The following ZNF398 variants were observed in gnomAD, a reference collection of about 807,000 sequenced individuals.
ZNF398 encodes zinc finger protein 398.
Under a neutral mutation model 41.9 loss-of-function variants are expected in ZNF398, and 18 were observed. The ratio of observed to expected loss-of-function variants is 0.43; its 90% CI spans 0.30 to 0.64. The LOEUF (loss-of-function observed/expected upper bound fraction) is 0.64. ZNF398 is among the 30% of genes least tolerant of loss of function. The pLI is 0.14. For missense variants in ZNF398, 669 were observed against 822.8 expected (o/e 0.81, Z 2.29); for synonymous variants, 260 against 308.8 (o/e 0.84, Z 1.66).
intron 2 of ZNF398, among the ~76,000 whole-genome samples, chr7:149,140,414 T>G (rs1244586283): frequency 3.3e-5 from 5 of 152,154 alleles, no homozygotes; most frequent in African/African-American, 1.2e-4. Context: ...AGACAGAGTC[T>G]CGCTCTGTTC....
intron 2 of ZNF398, among the ~76,000 whole-genome samples, chr7:149,135,345 G>A (rs1257672815): frequency 1.9e-4 from 26 of 137,558 alleles, no homozygotes; most frequent in Non-Finnish European, 3.3e-4. Context: ...TGCCGAGATC[G>A]CGCCACTGCA....
chr7:149,139,123 G>A (rs1826772026), intron 2 of ZNF398, among the ~76,000 whole-genome samples: 1 of 152,046 alleles, frequency 6.6e-6, no homozygotes, highest in Non-Finnish European at 1.5e-5. Flanking sequence ...TTGACCAGAT[G>A]GTCTTGATTT....
chr7:149,127,739 C>T (rs1481759779), intron 1 of ZNF398, among the ~76,000 whole-genome samples: 1 of 151,836 alleles, frequency 6.6e-6, no homozygotes, highest in Non-Finnish European at 1.5e-5. Flanking sequence ...AACAAACAAA[C>T]AAAAAAACTA....
At chr7:149,156,504 C>CAAAAAA (rs1184656145) in intron 2 of ZNF398, among the ~76,000 whole-genome samples, 2 of 36,456 alleles carry the variant, frequency 5.5e-5, no homozygotes, top group Admixed American at 2.9e-4. Flanking sequence ...GACTCCATCT[C>CAAAAAA]AAAAAAAAAA....
chr7:149,146,763 T>C (rs1464936495), upstream of ZNF398, among the ~76,000 whole-genome samples: 3 of 151,606 alleles, frequency 2.0e-5, no homozygotes, highest in African/African-American at 7.3e-5. Flanking sequence ...GGCAGGAGAA[T>C]CGGTTGAACC....
At chr7:149,141,477 C>A (rs1309719993) in intron 2 of ZNF398, among the ~76,000 whole-genome samples, 2 of 96,750 alleles carry the variant, frequency 2.1e-5, no homozygotes, top group African/African-American at 3.2e-5. Flanking sequence ...TTTTTTGAGA[C>A]GGAGTCTCAC....
intron 4 of ZNF398, among the ~76,000 whole-genome samples, chr7:149,168,581 T>C (rs949411673): frequency 6.6e-6 from 1 of 151,506 alleles, no homozygotes; most frequent in African/African-American, 2.4e-5. Context: ...TTATTATTAT[T>C]ATTTTGAGAT....
chr7:149,139,318 T>C (rs151062661), intron 2 of ZNF398, among the ~76,000 whole-genome samples: 115 of 152,220 alleles, frequency 7.6e-4, no homozygotes, highest in African/African-American at 2.5e-3. Flanking sequence ...CTGGGCCTCC[T>C]AAAGTGCTGG....
chr7:149,147,215 C>T (rs559927816), upstream of ZNF398: 2 of 152,352 alleles, frequency 1.3e-5, no homozygotes, highest in East Asian at 3.9e-4. The surrounding 1 kb of genome is among the most constrained non-coding windows in gnomAD (Gnocchi z 5.6). Flanking sequence ...AGAATGAGCC[C>T]GGCTTTGCGG....
upstream of ZNF398, among the ~76,000 whole-genome samples, chr7:149,146,615 A>G (rs767934230): frequency 6.6e-6 from 1 of 151,798 alleles, no homozygotes; most frequent in Non-Finnish European, 1.5e-5. Context: ...TTGGGAGGCC[A>G]AGGCGGGTGG....
chr7:149,151,980 G>T (rs1202439), intron 1 of ZNF398, among the ~76,000 whole-genome samples: 1 of 151,796 alleles, frequency 6.6e-6, no homozygotes, highest in Non-Finnish European at 1.5e-5. Flanking sequence ...CGCCCGTAAT[G>T]CCAACACTTT....
intron 2 of ZNF398, among the ~76,000 whole-genome samples, chr7:149,133,714 T>C (rs1427811779): frequency 3.9e-5 from 4 of 103,642 alleles, no homozygotes; most frequent in African/African-American, 1.8e-4. Context: ...TACACACATA[T>C]ATATGTATAT....
intron 2 of ZNF398, among the ~76,000 whole-genome samples, chr7:149,129,407 T>C (rs1826554226): frequency 6.6e-6 from 1 of 152,060 alleles, no homozygotes; most frequent in South Asian, 2.1e-4. Context: ...TGAGACGGAG[T>C]CTTGCTCTGT....
At position 149,148,461 on chromosome 7, in the gene ZNF398, A is replaced by G. The variant is rs187265886; in HGVS notation, c.24+695A>G. On this transcript the variant is annotated intron_variant, in intron 1 of 5. Coordinates refer to ENST00000475153, the MANE Select transcript of ZNF398 (RefSeq NM_170686.3). ...CGGTCAGGCCGCGGGGAAAGCACTG[A>G]TCGCATTTGCCACCCAAGAGGTCTT... The G allele has an allele frequency of 3.3e-5, 33 of 985,524 alleles. No individual in the cohort carries two copies. The African/African-American group carries it at 5.2e-4, about 16-fold the overall frequency. 61.0% of individuals were successfully genotyped at this position (985,524 alleles called of 1,614,324 possible).
At chr7:149,174,208 C>T (rs937806885) in intron 4 of ZNF398, among the ~76,000 whole-genome samples, 3 of 152,164 alleles carry the variant, frequency 2.0e-5, no homozygotes, top group Non-Finnish European at 2.9e-5. Flanking sequence ...TCCTTTGAAG[C>T]CAGACATTGA....
chr7:149,136,320 C>T (rs762799021), intron 2 of ZNF398, among the ~76,000 whole-genome samples: 5 of 152,176 alleles, frequency 3.3e-5, no homozygotes, highest in East Asian at 1.9e-4. Context: ...GTGGGGCGGC[C>T]GAGCAGAGGC....
chr7:149,138,452 C>T (rs1308701945), intron 2 of ZNF398, among the ~76,000 whole-genome samples: 2 of 151,922 alleles, frequency 1.3e-5, no homozygotes, highest in Non-Finnish European at 2.9e-5. Context: ...TGGTGGTGCA[C>T]GCCTGTATCC....
At chr7:149,159,516 C>A (rs921476268) in intron 2 of ZNF398, among the ~76,000 whole-genome samples, 1 of 151,404 alleles carries the variant, frequency 6.6e-6, no homozygotes, top group Non-Finnish European at 1.5e-5. Flanking sequence ...GGCATGGTGG[C>A]GGGTGCCTGT....
At chr7:149,136,276 C>T (rs998732890) in intron 2 of ZNF398, among the ~76,000 whole-genome samples, 1 of 152,120 alleles carries the variant, frequency 6.6e-6, no homozygotes, top group African/African-American at 2.4e-5. Context: ...GGTTGCAGAG[C>T]GGCCAGGCAG....
Sources: gnomAD v4.1 joint callset for allele counts (sites outside exome capture counted in the v4.1 genomes callset) on GRCh38, gnomAD v4.1.1 for gene constraint, Gnocchi (gnomAD v3.1) non-coding constraint, MANE v1.5 for transcripts, NCBI Gene and HGNC (gene_info 2026-07-23, HGNC 2026-07-21) for gene names.